The following TNN variants were observed in gnomAD, a reference collection of about 807,000 sequenced individuals.
TNN encodes tenascin-N.
A neutral mutation model predicts 134.4 loss-of-function variants in TNN; 122 were observed. The ratio of observed to expected loss-of-function variants is 0.91; its 90% CI spans 0.78 to 1.06. TNN has a LOEUF of 1.06. Ranked by LOEUF, TNN falls within the 50% of genes least tolerant of loss-of-function variation. TNN has a pLI of 0.00. For synonymous variants in TNN, 710 were observed against 670.3 expected, an observed-to-expected ratio of 1.06 and a Z score of -0.91; for missense variants, 1,739 against 1,699.4, an observed-to-expected ratio of 1.02 and a Z score of -0.41.
intron 9 of TNN, among the ~76,000 whole-genome samples, chr1:175,113,875 C>A (rs1025930252): frequency 6.6e-6 from 1 of 151,890 alleles, no homozygotes; most frequent in East Asian, 1.9e-4. Context: ...TTTTAAATTC[C>A]ATTCATTGAA....
chr1:175,141,991 T>C lies in TNN; in HGVS notation c.3596-2396T>C, dbSNP rs766676431. Among the ~76,000 whole-genome samples the C allele has an allele frequency of 1.7e-4, 26 of 152,162 alleles. 1 individual carries two copies. The highest frequency in any genetic ancestry group is 3.2e-4 in the Non-Finnish European group (22 of 68,042). The stretch of plus-strand genomic sequence containing the variant: ...TCACAAACATGTCTTTAAGAGAGCC[T>C]CTGCACAGATTCTTAGAAAGCAGCC... On this transcript the variant is annotated intron_variant, in intron 17 of 18. Coordinates refer to ENST00000239462, the MANE Select transcript of TNN (RefSeq NM_022093.2).
intron 9 of TNN, among the ~76,000 whole-genome samples, chr1:175,112,661 A>G (rs767236125): frequency 2.9e-5 from 3 of 105,250 alleles, no homozygotes; most frequent in Non-Finnish European, 5.3e-5. Flanking sequence ...TCTGTTGTCC[A>G]GGCTGGAATG....
At chr1:175,099,943 C>A (rs1247485853) in intron 9 of TNN, among the ~76,000 whole-genome samples, 9 of 152,102 alleles carry the variant, frequency 5.9e-5, no homozygotes, top group Non-Finnish European at 2.9e-5. Context: ...TGCCTTGCCC[C>A]TCTAGGTGGT....
At chr1:175,104,583 C>A in intron 9 of TNN, among the ~76,000 whole-genome samples, 1 of 145,834 alleles carries the variant, frequency 6.9e-6, no homozygotes, top group East Asian at 2.3e-4. Context: ...TGTCTGAGGG[C>A]CATGACTAAG....
At chr1:175,078,907 G>T (rs1477346602) in intron 2 of TNN, among the ~76,000 whole-genome samples, 1 of 152,096 alleles carries the variant, frequency 6.6e-6, no homozygotes, top group Non-Finnish European at 1.5e-5. Flanking sequence ...CAACCTCCCT[G>T]GATCTCACTT....
intron 6 of TNN, among the ~76,000 whole-genome samples, chr1:175,089,646 A>G (rs1157240538): frequency 6.6e-6 from 1 of 152,204 alleles, no homozygotes; most frequent in Non-Finnish European, 1.5e-5. Flanking sequence ...CTCTTTTCTT[A>G]TGATGATGGT....
Position 175,079,551 on chromosome 1 carries a change from G to A in TNN, c.628G>A (p.Gly210Ser), listed in dbSNP as rs1316855469. Residue 210 changes from glycine (G) to serine (S), a missense_variant, in exon 3 of 19, where the codon GGC becomes AGC. Gly to Ser is a moderately conservative substitution (Grantham distance 56). Transcript: ENST00000239462. ...PACPENCSGHGECVRGVCQCH... is the reference protein window; with the variant it reads ...PACPENCSGHSECVRGVCQCH... ...CTGCCCTGAGAACTGCAGCGGACAC[G>A]GCGAGTGCGTGCGCGGCGTGTGCCA... is the stretch of plus-strand genomic sequence containing the variant. 2.5e-6 allele frequency: 4 copies of A among 1,572,454 alleles called. No homozygotes were observed. The highest frequency in any genetic ancestry group is 3.4e-6 in the Non-Finnish European group (4 of 1,160,272).
At chr1:175,135,177 C>T (rs1675767256) in intron 15 of TNN, among the ~76,000 whole-genome samples, 1 of 152,190 alleles carries the variant, frequency 6.6e-6, no homozygotes, top group South Asian at 2.1e-4. Flanking sequence ...TCTGTTGCAT[C>T]TTTCCCTCAT....
intron 8 of TNN, 119 bp downstream of exon 8, chr1:175,097,802 AAG>A: frequency 7.3e-7 from 1 of 1,375,340 alleles, no homozygotes; most frequent in East Asian, 2.5e-5. Context: ...TTAAAGATGA[AAG>A]AAAGACTGAG....
At chr1:175,115,769 C>T (rs564954782) in intron 9 of TNN, among the ~76,000 whole-genome samples, 1 of 152,292 alleles carries the variant, frequency 6.6e-6, no homozygotes, top group South Asian at 2.1e-4. Context: ...TACCTGTAGG[C>T]AGCTCCCTCA....
intron 9 of TNN, among the ~76,000 whole-genome samples, chr1:175,108,497 G>A (rs1037356036): frequency 1.1e-4 from 17 of 152,256 alleles, no homozygotes; most frequent in Non-Finnish European, 1.6e-4. Flanking sequence ...ACTGGGCGCC[G>A]TGGAGCAGGG....
intron 9 of TNN, among the ~76,000 whole-genome samples, chr1:175,099,882 C>T (rs1298303257): frequency 1.3e-5 from 2 of 152,032 alleles, no homozygotes; most frequent in Non-Finnish European, 2.9e-5. Context: ...CTCTTACTCC[C>T]CTTCCTCTGC....
intron 8 of TNN, 103 bp downstream of exon 8, chr1:175,097,786 G>A (rs1674609537): frequency 6.8e-7 from 1 of 1,470,634 alleles, no homozygotes; most frequent in Non-Finnish European, 9.2e-7. Context: ...TTTGCAATTA[G>A]AAGTCTTAAA....
chr1:175,142,808 G>A (rs1169529659), intron 17 of TNN, among the ~76,000 whole-genome samples: 2 of 152,012 alleles, frequency 1.3e-5, no homozygotes, highest in Admixed American at 6.6e-5. Flanking sequence ...AGTAGAGACG[G>A]CGTTTCACCA....
chr1:175,136,251 C>T (rs1009044388), intron 16 of TNN, among the ~76,000 whole-genome samples: 7 of 152,170 alleles, frequency 4.6e-5, no homozygotes, highest in African/African-American at 1.7e-4. Flanking sequence ...GATGCTGGTC[C>T]ATTACTGGGA....
intron 2 of TNN, among the ~76,000 whole-genome samples, chr1:175,078,944 G>T (rs980549986): frequency 6.6e-6 from 1 of 152,140 alleles, no homozygotes; most frequent in African/African-American, 2.4e-5. Context: ...GCCCTGCAGT[G>T]TCAGCTGGCC....
At chr1:175,141,572 T>C (rs1206716809) in intron 17 of TNN, among the ~76,000 whole-genome samples, 2 of 152,222 alleles carry the variant, frequency 1.3e-5, no homozygotes, top group Non-Finnish European at 2.9e-5. Context: ...TTCCTAATCC[T>C]GAAATAAAAG....
chr1:175,101,228 T>G (rs894217866), intron 9 of TNN, among the ~76,000 whole-genome samples: 1 of 151,990 alleles, frequency 6.6e-6, no homozygotes, highest in African/African-American at 2.4e-5. Context: ...TCTGGTGGGT[T>G]CGTGGTCTCT....
chr1:175,109,008 C>A (rs148593929), intron 9 of TNN, among the ~76,000 whole-genome samples: 1 of 150,826 alleles, frequency 6.6e-6, no homozygotes, highest in Non-Finnish European at 1.5e-5. Context: ...ACTGCCAGCA[C>A]GCTGTCACCT....
Sources: allele counts gnomAD v4.1 joint callset (sites outside exome capture counted in the v4.1 genomes callset), GRCh38; gene constraint gnomAD v4.1.1; transcripts MANE v1.5; gene names NCBI Gene and HGNC (gene_info 2026-07-23, HGNC 2026-07-21).